Variants in PLXDC2 observed in about 807,000 individuals in gnomAD.
The protein encoded by PLXDC2 is plexin domain-containing protein 2.
Under a neutral mutation model 68.9 loss-of-function variants are expected in PLXDC2, and 40 were observed. The ratio of observed to expected loss-of-function variants is 0.58; its 90% CI spans 0.45 to 0.76. The LOEUF (loss-of-function observed/expected upper bound fraction) is 0.76. Ranked by LOEUF, PLXDC2 falls within the 30% of genes least tolerant of loss-of-function variation. PLXDC2 has a pLI of 0.00. For synonymous variants in PLXDC2, 243 were observed against 234.2 expected (o/e 1.04, Z -0.34); for missense variants, 644 against 661.9 (o/e 0.97, Z 0.30).
At chr10:20,056,049 A>G (rs1223147399) in intron 3 of PLXDC2, among the ~76,000 whole-genome samples, 1 of 152,156 alleles carries the variant, frequency 6.6e-6, no homozygotes, top group Non-Finnish European at 1.5e-5. Flanking sequence ...AGTTTATTAC[A>G]ACTATGAGAC....
intron 4 of PLXDC2, among the ~76,000 whole-genome samples, chr10:20,113,281 G>A (rs991935024): frequency 1.3e-5 from 2 of 152,158 alleles, no homozygotes; most frequent in Non-Finnish European, 2.9e-5. Context: ...TAGCTTGCTA[G>A]CTAGCTTGCT....
chr10:19,904,955 C>A (rs892919924), intron 1 of PLXDC2, among the ~76,000 whole-genome samples: 3 of 152,152 alleles, frequency 2.0e-5, no homozygotes, highest in Non-Finnish European at 2.9e-5. Flanking sequence ...AGAATAGGAA[C>A]ACCCTCCCTC....
intron 4 of PLXDC2, among the ~76,000 whole-genome samples, chr10:20,069,120 G>A (rs1225095407): frequency 1.3e-5 from 2 of 152,040 alleles, no homozygotes; most frequent in African/African-American, 4.8e-5. Context: ...TCTTACCAGG[G>A]GTCTTCTGGA....
intron 1 of PLXDC2, among the ~76,000 whole-genome samples, chr10:19,991,740 C>A (rs1589574064): frequency 1.3e-5 from 2 of 152,066 alleles, no homozygotes; most frequent in Admixed American, 1.3e-4. Flanking sequence ...CATCTGGCAG[C>A]CTAGATTTAA....
At chr10:19,824,007 C>T (rs2131997111) in intron 1 of PLXDC2, among the ~76,000 whole-genome samples, 1 of 152,016 alleles carries the variant, frequency 6.6e-6, no homozygotes. Flanking sequence ...GACCCTGTCT[C>T]AAAAAGTAAA....
chr10:20,224,470 C>G (rs561065951), intron 12 of PLXDC2, among the ~76,000 whole-genome samples: 1 of 152,194 alleles, frequency 6.6e-6, no homozygotes, highest in African/African-American at 2.4e-5. Flanking sequence ...TAAATGTCTT[C>G]TTTGACATTT....
intron 12 of PLXDC2, among the ~76,000 whole-genome samples, chr10:20,229,880 G>C (rs1359492496): frequency 6.6e-6 from 1 of 152,104 alleles, no homozygotes; most frequent in Non-Finnish European, 1.5e-5. Context: ...TAAAGTGTCA[G>C]CCATAAGTGA....
intron 1 of PLXDC2, among the ~76,000 whole-genome samples, chr10:19,862,140 T>A (rs1340851746): frequency 1.3e-5 from 2 of 152,204 alleles, no homozygotes; most frequent in African/African-American, 2.4e-5. Context: ...TAATTAAAAA[T>A]TATGAATTAT....
At chr10:19,843,997 G>T (rs748993988) in intron 1 of PLXDC2, among the ~76,000 whole-genome samples, 3 of 152,032 alleles carry the variant, frequency 2.0e-5, no homozygotes, top group Non-Finnish European at 4.4e-5. Context: ...CCTGACTGAT[G>T]GTTATATATT....
At position 19,856,379 on chromosome 10, in the gene PLXDC2, G is replaced by GACACACAC. The variant is rs34129216; in HGVS notation, c.112+39215_112+39222dup. On this transcript the variant is annotated intron_variant, in intron 1 of 13. Coordinates refer to ENST00000377252, the MANE Select transcript of PLXDC2 (RefSeq NM_032812.9). ...ATACACACACAAACACACACACACA[G>GACACACAC]ACACACACACACACACACACACACA... Among the ~76,000 whole-genome samples the GACACACAC allele has an allele frequency of 7.5e-4, 108 of 144,224 alleles. 2 individuals are homozygous for GACACACAC. The East Asian group carries it at 9.5e-3, about 13-fold the overall frequency. The allele number at this position is 144,224 out of a possible 152,430, so 94.6% of individuals were successfully genotyped here.
At chr10:19,885,747 G>T (rs1837833484) in intron 1 of PLXDC2, among the ~76,000 whole-genome samples, 1 of 152,130 alleles carries the variant, frequency 6.6e-6, no homozygotes, top group South Asian at 2.1e-4. Flanking sequence ...TGCTGTTTTG[G>T]TTACTGTAGC....
chr10:20,244,200 C>A (rs1280277803), intron 12 of PLXDC2, among the ~76,000 whole-genome samples: 3 of 152,132 alleles, frequency 2.0e-5, no homozygotes, highest in African/African-American at 7.2e-5. Flanking sequence ...ATACAACTTA[C>A]TGTATCTTAC....
chr10:20,017,041 T>C (rs1835224160), intron 2 of PLXDC2, among the ~76,000 whole-genome samples: 1 of 152,106 alleles, frequency 6.6e-6, no homozygotes, highest in Non-Finnish European at 1.5e-5. Flanking sequence ...TCCTAGGCAA[T>C]CACAAATTGA....
chr10:20,115,922 A>G (rs1833615003), intron 4 of PLXDC2, among the ~76,000 whole-genome samples: 1 of 152,174 alleles, frequency 6.6e-6, no homozygotes. Context: ...GGAGCTGCAG[A>G]TAAATGTCCA....
intron 1 of PLXDC2, among the ~76,000 whole-genome samples, chr10:19,880,956 G>A (rs1467811292): frequency 1.3e-5 from 2 of 152,094 alleles, no homozygotes; most frequent in Non-Finnish European, 2.9e-5. Context: ...TTGAGATCCA[G>A]AATGTTATTT....
chr10:19,994,900 G>A (rs1232494152), intron 1 of PLXDC2, among the ~76,000 whole-genome samples: 5 of 151,914 alleles, frequency 3.3e-5, no homozygotes, highest in South Asian at 4.2e-4. Flanking sequence ...GCACCACCAC[G>A]CCTGGCTAAT....
At chr10:20,146,024 C>G (rs1199239511) in intron 5 of PLXDC2, among the ~76,000 whole-genome samples, 1 of 152,066 alleles carries the variant, frequency 6.6e-6, no homozygotes, top group Non-Finnish European at 1.5e-5. Context: ...AACTATACTC[C>G]CCATGTTATA....
intron 6 of PLXDC2, among the ~76,000 whole-genome samples, chr10:20,164,148 A>G (rs963228407): frequency 6.6e-6 from 1 of 152,190 alleles, no homozygotes. Flanking sequence ...CCAGCACTAA[A>G]TGAATTCATG....
At chr10:20,133,258 A>AATTC (rs1394695336) in intron 4 of PLXDC2, among the ~76,000 whole-genome samples, 2 of 152,192 alleles carry the variant, frequency 1.3e-5, no homozygotes, top group Non-Finnish European at 2.9e-5. Context: ...TTGGAATATA[A>AATTC]GAATAGCTGA....
Sources: allele counts gnomAD v4.1 joint callset (sites outside exome capture counted in the v4.1 genomes callset), GRCh38; gene constraint gnomAD v4.1.1; transcripts MANE v1.5; gene names NCBI Gene and HGNC (gene_info 2026-07-23, HGNC 2026-07-21).